The following GPC5 variants were observed in gnomAD, a reference collection of about 807,000 sequenced individuals.
GPC5 encodes glypican-5.
GPC5 carries 47 observed loss-of-function variants against 53.9 expected under a neutral mutation model. The observed-to-expected ratio is 0.87, with a 90% CI of 0.69 to 1.11. GPC5 has a LOEUF of 1.11. Ranked by LOEUF, GPC5 falls within the 50% of genes most tolerant of loss-of-function variation. GPC5 has a pLI of 0.00. For synonymous variants in GPC5, 286 were observed against 263.3 expected, an observed-to-expected ratio of 1.09 and a Z score of -0.84; for missense variants, 748 against 713.1, an observed-to-expected ratio of 1.05 and a Z score of -0.56.
intron 3 of GPC5, among the ~76,000 whole-genome samples, chr13:91,697,517 A>G (rs1210097007): frequency 7.3e-6 from 1 of 137,278 alleles, no homozygotes; most frequent in Non-Finnish European, 1.6e-5. Flanking sequence ...ATTTTAAATA[A>G]TCATTTAATT....
At chr13:92,719,401 T>C (rs552920006) in intron 7 of GPC5, among the ~76,000 whole-genome samples, 1 of 152,314 alleles carries the variant, frequency 6.6e-6, no homozygotes, top group South Asian at 2.1e-4. Flanking sequence ...GGGCGTTTTA[T>C]ATTTTTCTCA....
chr13:92,016,993 T>C (rs2040713524), intron 6 of GPC5, among the ~76,000 whole-genome samples: 3 of 152,174 alleles, frequency 2.0e-5, no homozygotes, highest in Admixed American at 2.0e-4. Context: ...ACATTTCTTT[T>C]GACAAGACTT....
intron 6 of GPC5, among the ~76,000 whole-genome samples, chr13:91,936,611 G>A (rs1294950042): frequency 1.3e-5 from 2 of 151,996 alleles, no homozygotes; most frequent in East Asian, 3.9e-4. Flanking sequence ...CACATAAGGG[G>A]ATGTATCCAA....
intron 7 of GPC5, among the ~76,000 whole-genome samples, chr13:92,469,290 C>T (rs1878820575): frequency 6.6e-6 from 1 of 151,960 alleles, no homozygotes. Flanking sequence ...CTCACTGCAA[C>T]CTCCACCTCC....
intron 2 of GPC5, among the ~76,000 whole-genome samples, chr13:91,643,157 G>C (rs1458974027): frequency 6.6e-6 from 1 of 152,150 alleles, no homozygotes; most frequent in African/African-American, 2.4e-5. Flanking sequence ...AGGAATGACA[G>C]AAAAGCAAGG....
rs9560990 is a variant in GPC5 at position 92,229,451 on chromosome 13, A to G, written c.1561+84462A>G. On this transcript the variant is annotated intron_variant, in intron 7 of 7. Transcript: ENST00000377067. ...TTTTGGATTTATGTTGCCAATATCT[A>G]TACTTAATATTCCTAATAAAATCTT... 5.1e-3 allele frequency among the ~76,000 whole-genome samples: 780 copies of G among 152,262 alleles called. 12 individuals are homozygous for G. Among genetic ancestry groups the G allele is most frequent in the South Asian group, 0.041 (200 of 4,828 alleles).
chr13:92,694,225 G>A (rs1594425365), intron 7 of GPC5, among the ~76,000 whole-genome samples: 1 of 152,198 alleles, frequency 6.6e-6, no homozygotes, highest in African/African-American at 2.4e-5. Context: ...CTCTACTAGG[G>A]CAATGAAGAG....
At position 92,663,598 on chromosome 13, in the gene GPC5, CTA is replaced by C. The variant is rs1299158957; in HGVS notation, c.1562-202670_1562-202669del. Among the ~76,000 whole-genome samples the C allele has an allele frequency of 9.7e-3, 723 of 74,830 alleles. 7 individuals are homozygous for C. Among genetic ancestry groups the C allele is most frequent in the African/African-American group, 0.025 (697 of 27,420 alleles). The allele number at this position is 74,830 out of a possible 152,430, so 49.1% of individuals were successfully genotyped here. On this transcript the variant is annotated intron_variant, in intron 7 of 7. Transcript: ENST00000377067. The stretch of plus-strand genomic sequence containing the variant: ...CTAAATATATATATATATATATCTA[CTA>C]TATATATATATATCTACTATATATA...
intron 7 of GPC5, among the ~76,000 whole-genome samples, chr13:92,821,923 A>G (rs1877687463): frequency 6.6e-6 from 1 of 152,042 alleles, no homozygotes; most frequent in Non-Finnish European, 1.5e-5. Flanking sequence ...ACCCATAAAT[A>G]CAAGAAAAAA....
At chr13:91,777,077 T>C (rs770734211) in intron 5 of GPC5, among the ~76,000 whole-genome samples, 9 of 152,176 alleles carry the variant, frequency 5.9e-5, no homozygotes, top group Non-Finnish European at 1.0e-4. Flanking sequence ...ATCAAATCCT[T>C]TCCTTTCTCA....
intron 6 of GPC5, among the ~76,000 whole-genome samples, chr13:91,976,289 TA>T (rs561979852): frequency 1.3e-5 from 2 of 152,022 alleles, no homozygotes; most frequent in African/African-American, 2.4e-5. Flanking sequence ...AAAGAAAATT[TA>T]AAAAAATAGT....
intron 4 of GPC5, among the ~76,000 whole-genome samples, chr13:91,733,861 T>C (rs986602024): frequency 2.0e-5 from 3 of 152,202 alleles, no homozygotes; most frequent in African/African-American, 7.2e-5. Context: ...CTTCCAATAC[T>C]GTGTTGAATA....
At chr13:92,634,240 C>G (rs189984663) in intron 7 of GPC5, among the ~76,000 whole-genome samples, 184 of 152,028 alleles carry the variant, frequency 1.2e-3, no homozygotes, top group Non-Finnish European at 2.1e-3. Flanking sequence ...AACATAATTC[C>G]AAGATTACCT....
chr13:92,010,168 C>T (rs907682817), intron 6 of GPC5, among the ~76,000 whole-genome samples: 3 of 152,162 alleles, frequency 2.0e-5, no homozygotes, highest in African/African-American at 7.2e-5. Context: ...TGTTTCCATT[C>T]CCTATCCTTC....
At chr13:92,606,900 T>A (rs1884277583) in intron 7 of GPC5, among the ~76,000 whole-genome samples, 1 of 152,206 alleles carries the variant, frequency 6.6e-6, no homozygotes, top group Non-Finnish European at 1.5e-5. Context: ...TATAAGCAAT[T>A]ACTCCACATG....
intron 2 of GPC5, among the ~76,000 whole-genome samples, chr13:91,600,274 A>G (rs145786396): frequency 6.9e-4 from 105 of 152,044 alleles, no homozygotes; most frequent in African/African-American, 2.4e-3. Flanking sequence ...CTATAGATAC[A>G]TTAGATTTAT....
chr13:92,478,831 T>C lies in GPC5; in HGVS notation c.1561+333842T>C, dbSNP rs541807706. Among the ~76,000 whole-genome samples, 4 of 152,276 alleles carry C rather than the reference T, an allele frequency of 2.6e-5. No homozygotes were observed. In the East Asian group the frequency reaches 7.7e-4, roughly 29 times the overall value. On this transcript the variant is annotated intron_variant, in intron 7 of 7. Transcript: ENST00000377067. Reference sequence around the variant, plus strand: ...CCTTCCTAACAGACAAAAAGAAATCTTATACTCTTGCTTCTTAGTATTTAA... The same window carrying C: ...CCTTCCTAACAGACAAAAAGAAATCCTATACTCTTGCTTCTTAGTATTTAA...
chr13:92,333,353 G>A (rs749799743), intron 7 of GPC5, among the ~76,000 whole-genome samples: 5 of 152,120 alleles, frequency 3.3e-5, no homozygotes, highest in Non-Finnish European at 7.4e-5. Context: ...TTTAACCAGA[G>A]CTTATCCTCT....
chr13:92,307,055 A>G (rs1202675666), intron 7 of GPC5, among the ~76,000 whole-genome samples: 3 of 152,356 alleles, frequency 2.0e-5, no homozygotes, highest in East Asian at 3.9e-4. Context: ...CCAATGAAAG[A>G]TTCACAGGAT....
Sources: gnomAD v4.1 joint callset for allele counts (sites outside exome capture counted in the v4.1 genomes callset) on GRCh38, gnomAD v4.1.1 for gene constraint, MANE v1.5 for transcripts, NCBI Gene and HGNC (gene_info 2026-07-23, HGNC 2026-07-21) for gene names.